SORBS2: variants seen among roughly 807,000 people sequenced by gnomAD.
SORBS2 encodes the protein sorbin and SH3 domain containing 2.
In SORBS2, 46 loss-of-function variants were observed where a neutral mutation model predicts 97.7. The ratio of observed to expected loss-of-function variants is 0.47; its 90% CI spans 0.37 to 0.60. The LOEUF (loss-of-function observed/expected upper bound fraction) is 0.60. SORBS2 is among the 20% of genes least tolerant of loss of function. The pLI, the probability that SORBS2 is intolerant of heterozygous loss-of-function variation, is 0.00. For synonymous variants in SORBS2, 476 were observed against 473.4 expected (o/e 1.01, Z -0.07); for missense variants, 1,316 against 1,282.3 (o/e 1.03, Z -0.40).
intron 2 of SORBS2, among the ~76,000 whole-genome samples, chr4:185,731,743 C>T (rs2098633999): frequency 3.1e-5 from 3 of 95,340 alleles, no homozygotes; most frequent in South Asian, 5.2e-4. Flanking sequence ...TCTCTCCCTC[C>T]CTCCCTATCT....
At chr4:185,701,004 GTTT>G (rs2098253378) in intron 2 of SORBS2, among the ~76,000 whole-genome samples, 1 of 152,156 alleles carries the variant, frequency 6.6e-6, no homozygotes, top group African/African-American at 2.4e-5. Context: ...TTTGAACAAA[GTTT>G]TTGTTGTTTC....
At chr4:185,923,414 T>C (rs2099261903) in intron 1 of SORBS2, among the ~76,000 whole-genome samples, 1 of 151,624 alleles carries the variant, frequency 6.6e-6, no homozygotes, top group African/African-American at 2.4e-5. Context: ...TGCCTCAGCC[T>C]CCTGAGCAGC....
intron 1 of SORBS2, among the ~76,000 whole-genome samples, chr4:185,878,978 C>T (rs551916624): frequency 1.9e-3 from 290 of 152,250 alleles, no homozygotes; most frequent in Non-Finnish European, 2.7e-3. Flanking sequence ...ACTCTCCAGT[C>T]GCTTTCTATC....
chr4:185,656,878 C>T (rs2097415737), exon 1 of SORBS2: 5 of 1,277,732 alleles, frequency 3.9e-6, no homozygotes, highest in Non-Finnish European at 4.9e-6. Context: ...TGAAGAGGGA[C>T]ATTAAAATGT....
intron 1 of SORBS2, among the ~76,000 whole-genome samples, chr4:185,906,120 G>A (rs866556891): frequency 4.6e-5 from 7 of 152,200 alleles, no homozygotes; most frequent in Middle Eastern, 6.8e-3. Flanking sequence ...TGCAACCTCC[G>A]CCTCCTGGGT....
At chr4:185,615,072 C>T in exon 10 of SORBS2, 1 of 1,613,894 alleles carries the variant, frequency 6.2e-7, no homozygotes, top group Non-Finnish European at 8.5e-7. Context: ...GGAAGATGCC[C>T]ACTCTCCCGT....
chr4:185,743,814 T>C (rs954460742), intron 2 of SORBS2, among the ~76,000 whole-genome samples: 8 of 150,504 alleles, frequency 5.3e-5, no homozygotes, highest in South Asian at 2.1e-4. Flanking sequence ...CTCCTCCTTC[T>C]TCCTCTTCTT....
chr4:185,627,484 T>C (rs2096835201), intron 5 of SORBS2, among the ~76,000 whole-genome samples: 1 of 152,216 alleles, frequency 6.6e-6, no homozygotes, highest in Non-Finnish European at 1.5e-5. Flanking sequence ...TCCTGAAGTG[T>C]TGGGATTACA....
At chr4:185,686,535 A>G (rs2097962542) in intron 2 of SORBS2, among the ~76,000 whole-genome samples, 2 of 152,242 alleles carry the variant, frequency 1.3e-5, no homozygotes, top group Non-Finnish European at 2.9e-5. Context: ...GAAAGGCTCC[A>G]AAAGGATTTT....
At chr4:185,666,486 T>C (rs1220773350) in intron 4 of SORBS2, among the ~76,000 whole-genome samples, 2 of 152,212 alleles carry the variant, frequency 1.3e-5, no homozygotes, top group Admixed American at 1.3e-4. Context: ...CGAAACTGTT[T>C]CCTCAGGAGT....
intron 4 of SORBS2, among the ~76,000 whole-genome samples, chr4:185,641,580 C>T (rs1341308176): frequency 6.6e-6 from 1 of 152,136 alleles, no homozygotes; most frequent in East Asian, 1.9e-4. Context: ...AGTAATTTAA[C>T]ACTTTCCATG....
At chr4:185,800,866 A>G (rs1455681352) in intron 1 of SORBS2, among the ~76,000 whole-genome samples, 1 of 152,216 alleles carries the variant, frequency 6.6e-6, no homozygotes, top group East Asian at 1.9e-4. Flanking sequence ...GATCACCACA[A>G]TCAAGTTAGT....
chr4:185,624,589 C>T (rs1247044420), intron 6 of SORBS2, 95 bp from the exon 19 acceptor site: 5 of 1,324,798 alleles, frequency 3.8e-6, no homozygotes, highest in Non-Finnish European at 5.1e-6. Context: ...CATCAGACAG[C>T]ATAGCAAGGA....
chr4:185,647,679 C>T (rs2097235575), intron 3 of SORBS2, among the ~76,000 whole-genome samples: 1 of 152,080 alleles, frequency 6.6e-6, no homozygotes. Context: ...AGGGACAAGC[C>T]CTAGCTTTCT....
chr4:185,640,550 G>A (rs2097109422), intron 4 of SORBS2, among the ~76,000 whole-genome samples: 1 of 152,138 alleles, frequency 6.6e-6, no homozygotes, highest in Non-Finnish European at 1.5e-5. Context: ...CACCTCAGAA[G>A]TAATAGTGAA....
chr4:185,745,072 G>A (rs376903870), intron 2 of SORBS2, among the ~76,000 whole-genome samples: 30 of 152,292 alleles, frequency 2.0e-4, no homozygotes, highest in East Asian at 5.8e-4. Context: ...GTACCTGGCC[G>A]CTCTCCCTGT....
intron 3 of SORBS2, 71 bp from the exon 13 acceptor site, chr4:185,646,853 T>C (rs2097216132): frequency 1.6e-5 from 15 of 910,320 alleles, no homozygotes; most frequent in Non-Finnish European, 2.7e-5. Flanking sequence ...AAACCAGTTA[T>C]CTGTTTTCAA....
chr4:185,869,181 T>C (rs1033155080), intron 1 of SORBS2, among the ~76,000 whole-genome samples: 3 of 152,086 alleles, frequency 2.0e-5, no homozygotes, highest in African/African-American at 4.8e-5. Context: ...TTATAAATAA[T>C]TGAGAGAAAA....
rs34735333 is a variant in SORBS2 at position 185,862,139 on chromosome 4, G to T, written c.-337-86773C>A. Among the ~76,000 whole-genome samples the T allele has an allele frequency of 1.3e-3, 201 of 152,306 alleles. 1 individual carries two copies. The highest frequency in any genetic ancestry group is 2.3e-3 in the Non-Finnish European group (154 of 68,024). The stretch of plus-strand genomic sequence containing the variant: ...AATAAAAAACAGTGTATGTATATGT[G>T]TGTGTGTGTGTGCTTGCAAGTGCAA... On this transcript the variant is annotated intron_variant, in intron 1 of 20. Coordinates refer to the SORBS2 transcript ENST00000284776.
Sources: allele counts gnomAD v4.1 joint callset (sites outside exome capture counted in the v4.1 genomes callset), GRCh38; gene constraint gnomAD v4.1.1; transcripts MANE v1.5; gene names NCBI Gene and HGNC (gene_info 2026-07-23, HGNC 2026-07-21).